CLEC1A: variants seen among roughly 807,000 people sequenced by gnomAD.
The protein encoded by CLEC1A is C-type lectin domain family 1 member A, also known as C-type lectin-like receptor-1.
Under a neutral mutation model 28.7 loss-of-function variants are expected in CLEC1A, and 34 were observed. That is an observed-to-expected ratio of 1.18 (90% confidence interval 0.90 to 1.57). The LOEUF (loss-of-function observed/expected upper bound fraction) is 1.57. Among genes scored for constraint, CLEC1A ranks in the 40% most tolerant of loss-of-function variants. The probability of loss-of-function intolerance (pLI) is 0.00; values close to 1 mark genes in which losing one functional copy is unlikely to be tolerated. For synonymous variants in CLEC1A, 116 were observed against 121.0 expected (o/e 0.96, Z 0.27); for missense variants, 385 against 339.5 (o/e 1.13, Z -1.05).
intron 3 of CLEC1A, among the ~76,000 whole-genome samples, chr12:10,077,970 T>C (rs890081297): frequency 6.6e-6 from 1 of 152,150 alleles, no homozygotes; most frequent in Non-Finnish European, 1.5e-5. Context: ...TTCTAGTTGT[T>C]TTGACCCCAA....
chr12:10,080,891 T>C (rs893889961), intron 3 of CLEC1A, among the ~76,000 whole-genome samples: 11 of 152,346 alleles, frequency 7.2e-5, no homozygotes, highest in African/African-American at 9.6e-5. Flanking sequence ...ACTATAGTTA[T>C]GAGTTTGCTT....
At chr12:10,088,555 T>C (rs1220892214) in intron 2 of CLEC1A, among the ~76,000 whole-genome samples, 5 of 152,158 alleles carry the variant, frequency 3.3e-5, no homozygotes, top group African/African-American at 1.2e-4. Context: ...ATTCATCCAC[T>C]TTCTTTTTTA....
intron 3 of CLEC1A, among the ~76,000 whole-genome samples, chr12:10,079,261 T>C (rs767611032): frequency 1.3e-5 from 2 of 152,096 alleles, no homozygotes; most frequent in Non-Finnish European, 2.9e-5. Context: ...TGCATAAATA[T>C]CACTTCAGTG....
Position 10,071,222 on chromosome 12 carries a change from C to T in CLEC1A, c.*111G>A. On this transcript the variant is annotated 3_prime_UTR_variant, in exon 6 of 6. Transcript: ENST00000315330. Reference sequence around the variant, plus strand: ...AGGAAACACGAGAACCCATTTTGTACTAGTCAGAGAGATAGTCTTTCCTGA... The same window carrying T: ...AGGAAACACGAGAACCCATTTTGTATTAGTCAGAGAGATAGTCTTTCCTGA... 3 of 1,006,180 alleles carry T rather than the reference C, an allele frequency of 3.0e-6. No homozygotes were observed. The highest frequency in any genetic ancestry group is 2.5e-5 in the East Asian group (1 of 40,498). 62.3% of individuals were successfully genotyped at this position (1,006,180 alleles called of 1,614,324 possible).
intron 3 of CLEC1A, among the ~76,000 whole-genome samples, chr12:10,079,415 A>T (rs1394121917): frequency 6.6e-6 from 1 of 152,222 alleles, no homozygotes; most frequent in Admixed American, 6.5e-5. Flanking sequence ...TAGATTTTAT[A>T]TTTAAATTAA....
intron 1 of CLEC1A, among the ~76,000 whole-genome samples, chr12:10,090,528 T>C (rs1032099608): frequency 6.6e-6 from 1 of 152,114 alleles, no homozygotes; most frequent in East Asian, 1.9e-4. Flanking sequence ...CCTCCCAAAG[T>C]GCTGGGATTA....
At position 10,081,353 on chromosome 12, in the gene CLEC1A, C is replaced by A. The variant is rs756636208; in HGVS notation, c.275G>T (p.Arg92Ile). The A allele has an allele frequency of 1.2e-6, 2 of 1,613,164 alleles. No homozygotes were observed. Among genetic ancestry groups the A allele is most frequent in the African/African-American group, 2.7e-5 (2 of 74,750 alleles). Residue 92 changes from arginine (R) to isoleucine (I), a missense_variant, in exon 3 of 6, where the codon AGA becomes ATA. By Grantham distance (97) the Arg-to-Ile change is moderately conservative (BLOSUM62 -3). Coordinates refer to ENST00000315330, the MANE Select transcript of CLEC1A (RefSeq NM_016511.4). The stretch of plus-strand genomic sequence containing the variant: ...CAACTCTTGGGACGTATTTCCTAAT[C>A]TTTCTTCCATTTGAGAAATGGTGTC... Reference protein sequence around the residue: ...GQDTISQMEERLGNTSQELQS... With the variant: ...GQDTISQMEEILGNTSQELQS...
chr12:10,075,435 C>A, intron 4 of CLEC1A, 69 bp downstream of exon 4: 1 of 1,522,452 alleles, frequency 6.6e-7, no homozygotes, highest in South Asian at 1.2e-5. Context: ...TCCTTAGAGT[C>A]TTCTTGCCTA....
chr12:10,080,866 G>T (rs918442125), intron 3 of CLEC1A, among the ~76,000 whole-genome samples: 8 of 152,150 alleles, frequency 5.3e-5, no homozygotes, highest in African/African-American at 1.9e-4. Context: ...CCTGTATGTT[G>T]TTTAAGATTT....
At chr12:10,085,337 C>T (rs747179071) in intron 2 of CLEC1A, among the ~76,000 whole-genome samples, 1 of 151,696 alleles carries the variant, frequency 6.6e-6, no homozygotes, top group Non-Finnish European at 1.5e-5. Context: ...CCTAAATGCT[C>T]CACTTAAAAG....
Position 10,071,498 on chromosome 12 carries a change from T to C in CLEC1A, c.678A>G (p.Ile226Met), listed in dbSNP as rs893719347. The C allele has an allele frequency of 2.3e-5, 37 of 1,603,500 alleles. No homozygotes were observed. Among genetic ancestry groups the C allele is most frequent in the Non-Finnish European group, 3.1e-5 (37 of 1,175,774 alleles). Residue 226 changes from isoleucine to methionine, a missense_variant, in exon 6 of 6, where the codon ATA becomes ATG. Physicochemically the swap from Ile to Met is conservative, Grantham distance 10 (BLOSUM62 1). Transcript: ENST00000315330. Reference protein sequence around the residue: ...PFTSELFHIIIDVTSPRSRDC... With the variant: ...PFTSELFHIIMDVTSPRSRDC... ...CTCTGCTTCTTGGGCTGGTGACATC[T>C]ATTATAATATGGAACCTTAAGAAAG...
chr12:10,072,606 G>A (rs1427950304), intron 5 of CLEC1A, among the ~76,000 whole-genome samples: 2 of 151,308 alleles, frequency 1.3e-5, no homozygotes, highest in Non-Finnish European at 2.9e-5. Context: ...CTGGACTCCT[G>A]GGCTTCAATT....
intron 2 of CLEC1A, among the ~76,000 whole-genome samples, chr12:10,082,057 TG>T (rs1339232482): frequency 6.6e-6 from 1 of 152,182 alleles, no homozygotes; most frequent in Non-Finnish European, 1.5e-5. Flanking sequence ...CAGGGGTCCT[TG>T]GACAAGGCAG....
At chr12:10,097,107 T>C (rs1188744738) in intron 1 of CLEC1A, among the ~76,000 whole-genome samples, 1 of 152,210 alleles carries the variant, frequency 6.6e-6, no homozygotes, top group Non-Finnish European at 1.5e-5. Flanking sequence ...TATGAGGTTG[T>C]TGTTTTTCAT....
chr12:10,098,683 C>T (rs895733761), intron 1 of CLEC1A, 125 bp downstream of exon 1: 5 of 617,328 alleles, frequency 8.1e-6, no homozygotes, highest in Non-Finnish European at 1.4e-5. Context: ...TACTATGTCA[C>T]AGGGCGAGTA....
intron 1 of CLEC1A, among the ~76,000 whole-genome samples, chr12:10,092,010 T>C (rs1240401323): frequency 1.4e-5 from 1 of 69,730 alleles, no homozygotes; most frequent in African/African-American, 3.1e-5. Context: ...AATGAATGAA[T>C]AGGTCCATTA....
chr12:10,086,205 G>A (rs1397493895), intron 2 of CLEC1A, among the ~76,000 whole-genome samples: 1 of 152,114 alleles, frequency 6.6e-6, no homozygotes, highest in Non-Finnish European at 1.5e-5. Context: ...TAAGAGGAAA[G>A]TTCATAGCAT....
intron 2 of CLEC1A, among the ~76,000 whole-genome samples, chr12:10,084,840 A>G (rs1193967923): frequency 1.0e-4 from 15 of 143,740 alleles, no homozygotes; most frequent in East Asian, 7.8e-4. Context: ...AAAAAAAAAA[A>G]AAAGAAAAGA....
chr12:10,075,351 C>T (rs1034280870), intron 4 of CLEC1A, among the ~76,000 whole-genome samples, 153 bp downstream of exon 4: 1 of 152,118 alleles, frequency 6.6e-6, no homozygotes, highest in Non-Finnish European at 1.5e-5. Flanking sequence ...TTCAGGGGAC[C>T]GTTCAAAGCA....
Sources: gnomAD v4.1 joint callset for allele counts (sites outside exome capture counted in the v4.1 genomes callset) on GRCh38, gnomAD v4.1.1 for gene constraint, MANE v1.5 for transcripts, NCBI Gene and HGNC (gene_info 2026-07-23, HGNC 2026-07-21) for gene names.